Variants in INVS observed in about 807,000 individuals in gnomAD.
INVS encodes inversion of embryo turning homolog.
Under a neutral mutation model 108.8 loss-of-function variants are expected in INVS, and 86 were observed. That is an observed-to-expected ratio of 0.79 (90% CI 0.66 to 0.95). The LOEUF is 0.95. Ranked by LOEUF, INVS falls within the 40% of genes least tolerant of loss-of-function variation. The probability of loss-of-function intolerance (pLI) is 0.00; values close to 1 mark genes in which losing one functional copy is unlikely to be tolerated. For synonymous variants in INVS, 455 were observed against 473.5 expected, an observed-to-expected ratio of 0.96 and a Z score of 0.51; for missense variants, 1,169 against 1,297.4, an observed-to-expected ratio of 0.90 and a Z score of 1.52.
chr9:100,113,508 A>C (rs2118849179), intron 2 of INVS, among the ~76,000 whole-genome samples: 1 of 152,306 alleles, frequency 6.6e-6, no homozygotes, highest in South Asian at 2.1e-4. Flanking sequence ...AAACTAAAAC[A>C]GTAGCTTAGT....
intron 3 of INVS, among the ~76,000 whole-genome samples, chr9:100,136,139 T>C (rs1212844576): frequency 2.0e-5 from 3 of 152,180 alleles, no homozygotes; most frequent in Non-Finnish European, 4.4e-5. Flanking sequence ...AAAGTGACCT[T>C]AGCAAGAGCA....
chr9:100,296,827 A>G (rs1588153664), intron 14 of INVS, 90 bp from the exon 15 acceptor site: 1 of 1,016,374 alleles, frequency 9.8e-7, no homozygotes. Flanking sequence ...TTCAGCAAAT[A>G]CTACTCCTAT....
intron 5 of INVS, among the ~76,000 whole-genome samples, chr9:100,234,714 A>C (rs1831624201): frequency 6.6e-6 from 1 of 152,160 alleles, no homozygotes; most frequent in Non-Finnish European, 1.5e-5. Context: ...ATTTGATTGC[A>C]CTGTGGTCTA....
intron 3 of INVS, among the ~76,000 whole-genome samples, chr9:100,172,267 T>C (rs1054896346): frequency 6.6e-6 from 1 of 152,198 alleles, no homozygotes; most frequent in Non-Finnish European, 1.5e-5. Flanking sequence ...TGTTATTCTA[T>C]GAGCTTCTAG....
chr9:100,192,254 T>TGTGTGTGG, intron 3 of INVS, among the ~76,000 whole-genome samples: 1 of 150,538 alleles, frequency 6.6e-6, no homozygotes, highest in African/African-American at 2.4e-5. Context: ...AAAGAGTGTG[T>TGTGTGTGG]GTGTGTGTGT....
At chr9:100,164,976 T>G (rs145394744) in intron 3 of INVS, among the ~76,000 whole-genome samples, 1 of 151,886 alleles carries the variant, frequency 6.6e-6, no homozygotes, top group Non-Finnish European at 1.5e-5. Context: ...CTAGACTGAT[T>G]GCCTCAGTAA....
At position 100,230,054 on chromosome 9, in the gene INVS, C is replaced by T. The variant is rs2806684; in HGVS notation, c.615+227C>T. 0.51 allele frequency among the ~76,000 whole-genome samples: 78,119 copies of T among 151,864 alleles called. 21,154 individuals are homozygous for T. The highest frequency in any genetic ancestry group is 0.62 in the African/African-American group (25,543 of 41,366). ...TTTTTAAACGCATTCATTCCCCCTA[C>T]GCCGTGCTCATTCCTGTACCCCAGC... On this transcript the variant is annotated intron_variant, in intron 5 of 16. Transcript: ENST00000262457.
chr9:100,117,569 C>A (rs997050884), intron 2 of INVS: 5 of 1,060,676 alleles, frequency 4.7e-6, no homozygotes, highest in Non-Finnish European at 7.0e-6. Context: ...GAAGCCACCG[C>A]GGTTCCCCAT....
At chr9:100,293,515 T>C (rs912198053) in intron 14 of INVS, among the ~76,000 whole-genome samples, 1 of 152,370 alleles carries the variant, frequency 6.6e-6, no homozygotes, top group East Asian at 1.9e-4. Flanking sequence ...TTTATTCTTA[T>C]GTCTTTACTA....
chr9:100,290,214 C>G (rs923000032), intron 13 of INVS, among the ~76,000 whole-genome samples: 17 of 152,146 alleles, frequency 1.1e-4, no homozygotes, highest in Non-Finnish European at 1.6e-4. Context: ...TCTCTACTAT[C>G]CAGCTCCCAT....
intron 13 of INVS, among the ~76,000 whole-genome samples, chr9:100,289,769 C>T (rs1044709240): frequency 1.3e-5 from 2 of 152,218 alleles, no homozygotes; most frequent in Non-Finnish European, 2.9e-5. Context: ...CATTCACCTA[C>T]TGAAGAAACA....
intron 3 of INVS, among the ~76,000 whole-genome samples, chr9:100,211,674 A>T (rs1830836746): frequency 6.6e-6 from 1 of 152,200 alleles, no homozygotes; most frequent in Non-Finnish European, 1.5e-5. Context: ...GCCTTAGAGC[A>T]ACTAAAGATG....
At chr9:100,269,001 C>T (rs1832870983) in intron 11 of INVS, among the ~76,000 whole-genome samples, 1 of 152,090 alleles carries the variant, frequency 6.6e-6, no homozygotes, top group Non-Finnish European at 1.5e-5. Flanking sequence ...AAGGATACTA[C>T]CTATTAATAA....
intron 3 of INVS, among the ~76,000 whole-genome samples, chr9:100,144,783 A>G (rs1828548868): frequency 1.3e-5 from 2 of 152,056 alleles, no homozygotes; most frequent in South Asian, 4.2e-4. Flanking sequence ...GGGAAAGGTC[A>G]GATGGGTCTG....
At chr9:100,177,570 C>G (rs1314915703) in intron 3 of INVS, among the ~76,000 whole-genome samples, 1 of 152,190 alleles carries the variant, frequency 6.6e-6, no homozygotes, top group African/African-American at 2.4e-5. Flanking sequence ...CAGACTGCCT[C>G]TCTAGATTCC....
chr9:100,254,897 C>A (rs571326557), intron 10 of INVS, among the ~76,000 whole-genome samples: 1 of 152,114 alleles, frequency 6.6e-6, no homozygotes, highest in Non-Finnish European at 1.5e-5. Flanking sequence ...CTTGGCAATG[C>A]GGGCTCTTTT....
At chr9:100,237,461 C>T (rs943899951) in intron 5 of INVS, among the ~76,000 whole-genome samples, 7 of 152,094 alleles carry the variant, frequency 4.6e-5, no homozygotes, top group Non-Finnish European at 7.4e-5. Flanking sequence ...CCCAGTTTTG[C>T]GCTTGAAACC....
chr9:100,266,689 A>C (rs1298379088), intron 11 of INVS, among the ~76,000 whole-genome samples: 1 of 152,172 alleles, frequency 6.6e-6, no homozygotes, highest in East Asian at 1.9e-4. Context: ...CTGGGAATGC[A>C]GCCCAACAGC....
chr9:100,297,912 G>C, intron 15 of INVS, 24 bp from the exon 16 acceptor site: 1 of 1,613,858 alleles, frequency 6.2e-7, no homozygotes, highest in Non-Finnish European at 8.5e-7. Context: ...CCAAAGAAAA[G>C]TAACAGTTGT....
Sources: allele counts gnomAD v4.1 joint callset (sites outside exome capture counted in the v4.1 genomes callset), GRCh38; gene constraint gnomAD v4.1.1; transcripts MANE v1.5; gene names NCBI Gene and HGNC (gene_info 2026-07-23, HGNC 2026-07-21).